The following PTPRT variants were observed in gnomAD, a reference collection of about 807,000 sequenced individuals.
The protein encoded by PTPRT is receptor-type tyrosine-protein phosphatase T.
PTPRT carries 56 observed loss-of-function variants against 176.8 expected under a neutral mutation model. The ratio of observed to expected loss-of-function variants is 0.32; its 90% CI spans 0.26 to 0.40. The LOEUF (loss-of-function observed/expected upper bound fraction) is 0.40, where lower values mean the gene tolerates loss of function less well. Ranked by LOEUF, PTPRT falls within the 10% of genes least tolerant of loss-of-function variation. PTPRT has a pLI of 1.00. For synonymous variants in PTPRT, 783 were observed against 739.0 expected (o/e 1.06, Z -0.96); for missense variants, 1,540 against 1,908.2 (o/e 0.81, Z 3.60).
At chr20:42,805,888 CA>C (rs1344965515) in intron 2 of PTPRT, among the ~76,000 whole-genome samples, 2 of 152,020 alleles carry the variant, frequency 1.3e-5, no homozygotes, top group Non-Finnish European at 2.9e-5. Flanking sequence ...CATCTTTTGC[CA>C]AAAGAACAAG....
At chr20:42,982,815 C>T (rs896867574) in intron 1 of PTPRT, among the ~76,000 whole-genome samples, 15 of 152,186 alleles carry the variant, frequency 9.9e-5, no homozygotes, top group African/African-American at 3.4e-4. Context: ...TCTTATGACA[C>T]GGAGAGCAGA....
rs56267962 is a variant in PTPRT, at chr20:42,489,008, T to TTG, written c.1154-16448_1154-16447dup. On this transcript the variant is annotated intron_variant, in intron 7 of 30. Transcript: ENST00000373187. ...GAAAAATAAATAAAATCAACCAAGT[T>TTG]TGTGTGTGTGTGTGTGTGTGTGTGT... Among the ~76,000 whole-genome samples, 566 of 131,238 alleles carry TTG rather than the reference T, an allele frequency of 4.3e-3. 1 individual carries two copies. Among genetic ancestry groups the TTG allele is most frequent in the Non-Finnish European group, 5.8e-3 (356 of 61,864 alleles). 86.1% of individuals were successfully genotyped at this position (131,238 alleles called of 152,430 possible).
intron 1 of PTPRT, among the ~76,000 whole-genome samples, chr20:43,163,642 AC>A (rs781413821): frequency 1.4e-5 from 2 of 143,918 alleles, no homozygotes; most frequent in African/African-American, 2.5e-5. Flanking sequence ...CTTCTCAAAA[AC>A]AAAACAAAAC....
At chr20:42,725,687 G>A (rs553001702) in intron 6 of PTPRT, among the ~76,000 whole-genome samples, 9 of 152,034 alleles carry the variant, frequency 5.9e-5, no homozygotes, top group Admixed American at 1.3e-4. Context: ...GCGAGGTTGC[G>A]CAGAAATAGA....
rs376728326 is a variant in PTPRT, at chr20:42,294,709, T to C, written c.2140-12184A>G. ...ACAAGAAAACAGTCTAGAAGTAATATTACAAACTGAATTAAATATCCTCAA... is the reference window on the plus strand; with the variant it reads ...ACAAGAAAACAGTCTAGAAGTAATACTACAAACTGAATTAAATATCCTCAA... On this transcript the variant is annotated intron_variant, in intron 12 of 30. Coordinates refer to ENST00000373187, the MANE Select transcript of PTPRT (RefSeq NM_007050.6). Among the ~76,000 whole-genome samples, 12 of 151,208 alleles carry C rather than the reference T, an allele frequency of 7.9e-5. No homozygotes were observed. The East Asian group carries it at 2.1e-3, about 27-fold the overall frequency.
chr20:42,182,977 G>A (rs1417646700), intron 16 of PTPRT, among the ~76,000 whole-genome samples: 4 of 150,276 alleles, frequency 2.7e-5, no homozygotes, highest in Non-Finnish European at 4.4e-5. Context: ...AGCATTTTGT[G>A]CTGTCACTTT....
At chr20:42,108,279 G>GAACAC (rs1986667462) in intron 23 of PTPRT, among the ~76,000 whole-genome samples, 1 of 152,074 alleles carries the variant, frequency 6.6e-6, no homozygotes, top group South Asian at 2.1e-4. Flanking sequence ...CATAGTAATT[G>GAACAC]AACACAGGAT....
At chr20:42,698,419 G>A (rs1227530780) in intron 6 of PTPRT, among the ~76,000 whole-genome samples, 1 of 152,084 alleles carries the variant, frequency 6.6e-6, no homozygotes, top group Admixed American at 6.6e-5. Flanking sequence ...AATGGCAAAC[G>A]CCTGGGTCCC....
intron 2 of PTPRT, among the ~76,000 whole-genome samples, chr20:42,855,268 A>G (rs2078540900): frequency 6.6e-6 from 1 of 152,128 alleles, no homozygotes; most frequent in African/African-American, 2.4e-5. Context: ...ACACCATTTC[A>G]CAGAACCTCC....
chr20:42,244,092 A>G (rs16986708), intron 14 of PTPRT, among the ~76,000 whole-genome samples: 2,157 of 152,300 alleles, frequency 0.014, 45 homozygotes, highest in African/African-American at 0.05. Context: ...AGCTCATTTG[A>G]TCTTTAGAAT....
intron 1 of PTPRT, among the ~76,000 whole-genome samples, chr20:43,182,833 G>A (rs1022134988): frequency 5.7e-4 from 79 of 139,036 alleles, no homozygotes; most frequent in African/African-American, 1.7e-3. Flanking sequence ...AACCAAAGGC[G>A]CAAAAAAAAC....
At chr20:43,052,181 T>C (rs1987073941) in intron 1 of PTPRT, among the ~76,000 whole-genome samples, 3 of 152,210 alleles carry the variant, frequency 2.0e-5, no homozygotes, top group African/African-American at 7.2e-5. Context: ...CATACTGGCA[T>C]GAGGTAAAAG....
chr20:42,941,494 A>G (rs1162811230), intron 1 of PTPRT, among the ~76,000 whole-genome samples: 1 of 152,142 alleles, frequency 6.6e-6, no homozygotes, highest in Admixed American at 6.5e-5. Context: ...CAGATATTCA[A>G]TGGGTCATAA....
chr20:42,593,223 C>T (rs755511924), intron 7 of PTPRT, among the ~76,000 whole-genome samples: 1 of 152,158 alleles, frequency 6.6e-6, no homozygotes, highest in African/African-American at 2.4e-5. Context: ...TCTCTGTGAT[C>T]GCTATTGGAT....
chr20:43,028,408 T>G (rs1986005910), intron 1 of PTPRT, among the ~76,000 whole-genome samples: 1 of 152,166 alleles, frequency 6.6e-6, no homozygotes, highest in Non-Finnish European at 1.5e-5. Context: ...TTCCCTGAAG[T>G]GTCACAGGTA....
At chr20:42,448,701 CAT>C (rs2070774237) in intron 8 of PTPRT, among the ~76,000 whole-genome samples, 1 of 152,096 alleles carries the variant, frequency 6.6e-6, no homozygotes, top group African/African-American at 2.4e-5. Context: ...GCAGAAAGGA[CAT>C]GAGCAGTTTC....
At chr20:42,599,421 A>G (rs138739080) in intron 7 of PTPRT, among the ~76,000 whole-genome samples, 21 of 152,208 alleles carry the variant, frequency 1.4e-4, no homozygotes, top group African/African-American at 4.8e-4. Context: ...TCTGAGTAAA[A>G]TTCATCTATC....
In PTPRT at chr20:42,500,363, T is replaced by C. The variant is rs114585595; in HGVS notation, c.1154-27801A>G. On this transcript the variant is annotated intron_variant, in intron 7 of 30. Coordinates refer to ENST00000373187, the MANE Select transcript of PTPRT (RefSeq NM_007050.6). ...AAGGTAAATGCTATTTTAATATTTTTGAATTAAATTTTATAATTATTATAT... is the reference window on the plus strand; with the variant it reads ...AAGGTAAATGCTATTTTAATATTTTCGAATTAAATTTTATAATTATTATAT... 7.6e-3 allele frequency among the ~76,000 whole-genome samples: 1,158 copies of C among 152,072 alleles called. 21 individuals are homozygous for C. Among genetic ancestry groups the C allele is most frequent in the African/African-American group, 0.027 (1,117 of 41,538 alleles).
At chr20:42,970,288 CACA>C (rs1293585634) in intron 1 of PTPRT, among the ~76,000 whole-genome samples, 1 of 152,168 alleles carries the variant, frequency 6.6e-6, no homozygotes, top group East Asian at 1.9e-4. Flanking sequence ...AAGAGTCAAA[CACA>C]ACAATAACAT....
Sources: allele counts gnomAD v4.1 joint callset (sites outside exome capture counted in the v4.1 genomes callset), GRCh38; gene constraint gnomAD v4.1.1; transcripts MANE v1.5; gene names NCBI Gene and HGNC (gene_info 2026-07-23, HGNC 2026-07-21).